Variants in SHISA6 observed in about 807,000 individuals in gnomAD.
SHISA6 encodes the protein protein shisa-6.
In SHISA6, 22 loss-of-function variants were observed where a neutral mutation model predicts 47.9. The ratio of observed to expected loss-of-function variants is 0.46; its 90% CI spans 0.33 to 0.66. The LOEUF is 0.66. Among genes scored for constraint, SHISA6 ranks in the 30% least tolerant of loss-of-function variants. The probability of loss-of-function intolerance (pLI) is 0.02; values close to 1 mark genes in which losing one functional copy is unlikely to be tolerated. For synonymous variants in SHISA6, 388 were observed against 337.8 expected, an observed-to-expected ratio of 1.15 and a Z score of -1.63; for missense variants, 680 against 764.6, an observed-to-expected ratio of 0.89 and a Z score of 1.30.
At chr17:11,385,186 A>G (rs913341214) in intron 3 of SHISA6, among the ~76,000 whole-genome samples, 1 of 152,184 alleles carries the variant, frequency 6.6e-6, no homozygotes, top group Non-Finnish European at 1.5e-5. Context: ...AAAAATAAAA[A>G]AAGAAGTGAC....
chr17:11,556,337 G>A (rs2071980048), intron 5 of SHISA6, among the ~76,000 whole-genome samples: 1 of 152,164 alleles, frequency 6.6e-6, no homozygotes, highest in Admixed American at 6.5e-5. Flanking sequence ...ACAGTGTCTT[G>A]AGGACCTGAG....
intron 3 of SHISA6, among the ~76,000 whole-genome samples, chr17:11,474,121 A>G (rs1217841787): frequency 7.2e-5 from 11 of 152,000 alleles, no homozygotes; most frequent in Admixed American, 7.2e-4. Context: ...ATAGTATTCC[A>G]TGATGTATAT....
At chr17:11,439,508 G>A (rs540479834) in intron 3 of SHISA6, among the ~76,000 whole-genome samples, 1 of 152,240 alleles carries the variant, frequency 6.6e-6, no homozygotes, top group East Asian at 1.9e-4. Context: ...GGGAAAAATG[G>A]GTAGCGTGGA....
rs973174616 is a variant in SHISA6, at chr17:11,559,544, C to T, written c.*1240C>T. ...CTACTGCCTGTGTCCCCTTCCCCCACATCCTCCCTGCAACTTTATTCCTCC... is the reference window on the plus strand; with the variant it reads ...CTACTGCCTGTGTCCCCTTCCCCCATATCCTCCCTGCAACTTTATTCCTCC... On this transcript the variant is annotated 3_prime_UTR_variant, in exon 6 of 6. Coordinates refer to ENST00000441885, the MANE Select transcript of SHISA6 (RefSeq NM_207386.4). This position sits in a 1 kb window ranked among gnomAD's most constrained non-coding sequence, Gnocchi z 4.4. 22 of 152,964 alleles carry T rather than the reference C, an allele frequency of 1.4e-4. No homozygotes were observed. The highest frequency in any genetic ancestry group is 5.3e-4 in the African/African-American group (22 of 41,454). 9.5% of individuals were successfully genotyped at this position (152,964 alleles called of 1,614,324 possible).
At position 11,548,642 on chromosome 17, in the gene SHISA6, G is replaced by A. The variant is rs2071903687; in HGVS notation, c.896-3254G>A. On this transcript the variant is annotated intron_variant, in intron 3 of 5. Transcript: ENST00000441885. Reference sequence around the variant, plus strand: ...CTTAGAAATGCTGATTTTAGTTATTGGGCTAAGGAAATGAGACATCGCTAA... The same window carrying A: ...CTTAGAAATGCTGATTTTAGTTATTAGGCTAAGGAAATGAGACATCGCTAA... 3.3e-5 allele frequency among the ~76,000 whole-genome samples: 5 copies of A among 152,110 alleles called. No individual in the cohort carries two copies. The South Asian group carries it at 1.0e-3, about 32-fold the overall frequency.
intron 3 of SHISA6, among the ~76,000 whole-genome samples, chr17:11,471,154 A>G (rs1915926803): frequency 6.7e-6 from 1 of 148,168 alleles, no homozygotes. Context: ...GGTTGCAGTG[A>G]GCCAAGATCA....
At chr17:11,395,311 A>G (rs1913533337) in intron 3 of SHISA6, among the ~76,000 whole-genome samples, 1 of 152,002 alleles carries the variant, frequency 6.6e-6, no homozygotes. Flanking sequence ...TTTATTTCTA[A>G]GTAGCTGATC....
At chr17:11,517,740 G>A (rs2071597345) in intron 3 of SHISA6, among the ~76,000 whole-genome samples, 2 of 152,104 alleles carry the variant, frequency 1.3e-5, no homozygotes, top group South Asian at 2.1e-4. Context: ...CTGGGCTCAA[G>A]CAGTCCTCCC....
At chr17:11,247,413 G>A (rs976596726) in intron 1 of SHISA6, among the ~76,000 whole-genome samples, 11 of 152,088 alleles carry the variant, frequency 7.2e-5, no homozygotes, top group Non-Finnish European at 1.6e-4. Flanking sequence ...AACTGCCACC[G>A]TGCTCCTGGC....
chr17:11,557,360 C>T (rs2908955), intron 5 of SHISA6, among the ~76,000 whole-genome samples: 4 of 152,118 alleles, frequency 2.6e-5, no homozygotes, highest in Admixed American at 6.5e-5. Flanking sequence ...CAGGACCAGG[C>T]GGAGTTCAGG....
chr17:11,311,753 T>C (rs2142187390), intron 2 of SHISA6, among the ~76,000 whole-genome samples: 1 of 152,220 alleles, frequency 6.6e-6, no homozygotes, highest in East Asian at 1.9e-4. Flanking sequence ...GCTAGCTAGA[T>C]ATTTAGATTT....
chr17:11,248,073 C>G (rs186849907), intron 1 of SHISA6, among the ~76,000 whole-genome samples: 1 of 152,182 alleles, frequency 6.6e-6, no homozygotes, highest in East Asian at 1.9e-4. Context: ...GGAGCCTGGC[C>G]TCTAGTGTCT....
intron 3 of SHISA6, among the ~76,000 whole-genome samples, chr17:11,535,073 A>G (rs2071774768): frequency 6.6e-6 from 1 of 152,234 alleles, no homozygotes; most frequent in African/African-American, 2.4e-5. Flanking sequence ...GGTTGCGGTG[A>G]GGGTGAGCCA....
chr17:11,300,349 G>A (rs1254913073), intron 2 of SHISA6, among the ~76,000 whole-genome samples: 4 of 152,310 alleles, frequency 2.6e-5, no homozygotes, highest in African/African-American at 9.6e-5. Flanking sequence ...CAAACATGGG[G>A]CATGCAAGCC....
chr17:11,390,217 A>G (rs1567592564), intron 3 of SHISA6, among the ~76,000 whole-genome samples: 1 of 152,232 alleles, frequency 6.6e-6, no homozygotes, highest in Non-Finnish European at 1.5e-5. Flanking sequence ...GAAGAGAGTC[A>G]TGGAGTCAGA....
chr17:11,324,812 C>A (rs1910821773), intron 2 of SHISA6, among the ~76,000 whole-genome samples: 2 of 152,128 alleles, frequency 1.3e-5, no homozygotes, highest in African/African-American at 4.8e-5. Context: ...CTTTGGTCTT[C>A]TTAGTGCACA....
At chr17:11,324,532 T>C (rs980362894) in intron 2 of SHISA6, among the ~76,000 whole-genome samples, 1 of 151,976 alleles carries the variant, frequency 6.6e-6, no homozygotes, top group Non-Finnish European at 1.5e-5. Context: ...TTTTCCTTCA[T>C]GGAAATCTGT....
chr17:11,270,427 G>C (rs535986485), intron 2 of SHISA6, among the ~76,000 whole-genome samples: 1 of 151,556 alleles, frequency 6.6e-6, no homozygotes, highest in Admixed American at 6.5e-5. Flanking sequence ...GATGTAGAAA[G>C]AGCTTGTAGG....
At chr17:11,242,525 G>C (rs987470545) in intron 1 of SHISA6, among the ~76,000 whole-genome samples, 1 of 152,128 alleles carries the variant, frequency 6.6e-6, no homozygotes, top group Non-Finnish European at 1.5e-5. Flanking sequence ...AGATGTTCTC[G>C]TACATTAGGA....
Sources: allele counts gnomAD v4.1 joint callset (sites outside exome capture counted in the v4.1 genomes callset), GRCh38; gene constraint gnomAD v4.1.1; non-coding constraint Gnocchi (gnomAD v3.1); transcripts MANE v1.5; gene names NCBI Gene and HGNC (gene_info 2026-07-23, HGNC 2026-07-21).